ETNK1: variants seen among roughly 807,000 people sequenced by gnomAD.
ETNK1 encodes the protein ethanolamine kinase 1.
In ETNK1, 8 loss-of-function variants were observed where a neutral mutation model predicts 45.1. The ratio of observed to expected loss-of-function variants is 0.18; its 90% CI spans 0.10 to 0.32. ETNK1 has a LOEUF of 0.32. Among genes scored for constraint, ETNK1 ranks in the 10% least tolerant of loss-of-function variants. ETNK1 has a pLI of 1.00. For synonymous variants in ETNK1, 152 were observed against 151.9 expected (o/e 1.00, Z -0.01); for missense variants, 302 against 430.6 (o/e 0.70, Z 2.64).
Position 22,687,324 on chromosome 12 carries a change from A to C in ETNK1, c.*2370A>C, listed in dbSNP as rs149508913. 7.2e-5 allele frequency: 11 copies of C among 152,342 alleles called. No individual in the cohort carries two copies. In the East Asian group the frequency reaches 2.1e-3, roughly 29 times the overall value. 9.4% of individuals were successfully genotyped at this position (152,342 alleles called of 1,614,324 possible). On this transcript the variant is annotated 3_prime_UTR_variant, in exon 8 of 8. Transcript: ENST00000266517. ...GTAAATCTCAAAGTGCTCTGAAATC[A>C]TCCCTCTAAAATCTGTCCTGTGGTG...
intron 1 of ETNK1, among the ~76,000 whole-genome samples, chr12:22,640,049 C>A (rs1205209404): frequency 1.3e-5 from 2 of 152,004 alleles, no homozygotes; most frequent in East Asian, 3.9e-4. Context: ...ATAACTTCAT[C>A]AATATTAAGC....
At position 22,643,984 on chromosome 12, in the gene ETNK1, A is replaced by G; in HGVS notation, c.378A>G (p.Ala126=). The G allele has an allele frequency of 1.2e-6, 2 of 1,610,830 alleles. No homozygotes were observed. The highest frequency in any genetic ancestry group is 1.1e-5 in the South Asian group (1 of 90,824). ...GCTATGAATTTATACAAGGAGAAGC[A>G]CTGGATCCAAAGCATGTCTGCAACC... ...GLCYEFIQGE[A]LDPKHVCNPA... is the part of the protein sequence containing the mutation. Residue 126 remains alanine (A), a synonymous_variant, in exon 2 of 8, where the codon GCA becomes GCG. Coordinates refer to ENST00000266517, the MANE Select transcript of ETNK1 (RefSeq NM_018638.5).
chr12:22,661,732 G>A (rs1001510975), intron 4 of ETNK1, among the ~76,000 whole-genome samples: 2 of 152,140 alleles, frequency 1.3e-5, no homozygotes, highest in Non-Finnish European at 2.9e-5. Context: ...GATATTATTT[G>A]TAGTTGCTCA....
intron 2 of ETNK1, among the ~76,000 whole-genome samples, chr12:22,648,983 T>C (rs1375855103): frequency 3.3e-5 from 5 of 152,242 alleles, no homozygotes; most frequent in African/African-American, 1.2e-4. Flanking sequence ...TGGAATATCT[T>C]TTCATATGCT....
chr12:22,655,020 G>A (rs1484190191), intron 2 of ETNK1, among the ~76,000 whole-genome samples: 1 of 152,176 alleles, frequency 6.6e-6, no homozygotes, highest in Non-Finnish European at 1.5e-5. Context: ...CCACGTTGGA[G>A]TACAATTGGT....
intron 6 of ETNK1, among the ~76,000 whole-genome samples, chr12:22,680,083 GCTCCTCTTTC>G (rs1954200464): frequency 6.6e-6 from 1 of 152,052 alleles, no homozygotes; most frequent in Non-Finnish European, 1.5e-5. Flanking sequence ...TCTTAATCTG[GCTCCTCTTTC>G]CTCCTCTTCT....
intron 2 of ETNK1, among the ~76,000 whole-genome samples, chr12:22,646,125 A>T (rs1050654565): frequency 6.6e-6 from 1 of 151,850 alleles, no homozygotes; most frequent in African/African-American, 2.4e-5. Flanking sequence ...TATGAATAGT[A>T]ACATTTGCTA....
At chr12:22,684,761 A>C in intron 7 of ETNK1, 121 bp from the exon 8 acceptor site, 1 of 854,596 alleles carries the variant, frequency 1.2e-6, no homozygotes, top group Non-Finnish European at 1.8e-6. Flanking sequence ...ATAAACTAAA[A>C]ATATGTCCTT....
chr12:22,634,736 G>A (rs1953632620), intron 1 of ETNK1, among the ~76,000 whole-genome samples: 1 of 151,768 alleles, frequency 6.6e-6, no homozygotes, highest in Admixed American at 6.6e-5. Context: ...TTATTTATTT[G>A]TACAGATGGG....
chr12:22,675,642 G>A (rs937765482), intron 6 of ETNK1, among the ~76,000 whole-genome samples: 1 of 152,128 alleles, frequency 6.6e-6, no homozygotes, highest in Non-Finnish European at 1.5e-5. Context: ...ACAGGCATAA[G>A]CCCTATACCC....
intron 5 of ETNK1, among the ~76,000 whole-genome samples, chr12:22,672,629 G>A (rs978987307): frequency 6.6e-6 from 1 of 152,164 alleles, no homozygotes; most frequent in African/African-American, 2.4e-5. Context: ...TAATGATTTT[G>A]TGGACAAAAA....
At chr12:22,627,035 A>T (rs1448212602) in intron 1 of ETNK1, among the ~76,000 whole-genome samples, 2 of 152,192 alleles carry the variant, frequency 1.3e-5, no homozygotes, top group Non-Finnish European at 2.9e-5. Flanking sequence ...TAGTGTTGGC[A>T]GATCAGTTAC....
Position 22,687,156 on chromosome 12 carries a change from C to A in ETNK1, c.*2202C>A, listed in dbSNP as rs1157239705. The stretch of plus-strand genomic sequence containing the variant: ...TTGGGAACAAAATAAGATATCTAAT[C>A]TATTTTCCCCATTCTGGCTAGATTT... On this transcript the variant is annotated 3_prime_UTR_variant, in exon 8 of 8. Transcript: ENST00000266517. The A allele has an allele frequency of 1.3e-5, 2 of 151,766 alleles. No homozygotes were observed. The highest frequency in any genetic ancestry group is 1.3e-4 in the Admixed American group (2 of 15,234). The allele number at this position is 151,766 out of a possible 1,614,324, so 9.4% of individuals were successfully genotyped here.
At chr12:22,681,644 T>A (rs1954216994) in intron 6 of ETNK1, among the ~76,000 whole-genome samples, 1 of 151,798 alleles carries the variant, frequency 6.6e-6, no homozygotes, top group Non-Finnish European at 1.5e-5. Flanking sequence ...ATATATATAT[T>A]TAAAATAAAC....
chr12:22,647,373 C>G (rs1040615793), intron 2 of ETNK1, among the ~76,000 whole-genome samples: 18 of 151,756 alleles, frequency 1.2e-4, no homozygotes, highest in African/African-American at 4.3e-4. Flanking sequence ...GGGTTGTGTG[C>G]ATGTACAGTT....
intron 2 of ETNK1, among the ~76,000 whole-genome samples, chr12:22,657,351 G>A (rs1206037086): frequency 6.6e-6 from 1 of 152,152 alleles, no homozygotes; most frequent in African/African-American, 2.4e-5. Flanking sequence ...GGCTAATACT[G>A]TTGCTTGAGG....
Position 22,643,727 on chromosome 12 carries a change from G to T in ETNK1, c.157-36G>T, listed in dbSNP as rs1473962227. 4 of 1,548,438 alleles carry T rather than the reference G, an allele frequency of 2.6e-6. No homozygotes were observed. In the South Asian group the frequency reaches 4.8e-5, roughly 19 times the overall value. Reference sequence around the variant, plus strand: ...TCCTGTTCTCTAAAGATAGATAATTGCTTTTTTTCCCATTTTTAAAAAAAA... The same window carrying T: ...TCCTGTTCTCTAAAGATAGATAATTTCTTTTTTTCCCATTTTTAAAAAAAA... On this transcript the variant is annotated intron_variant, in intron 1 of 7. Coordinates refer to ENST00000266517, the MANE Select transcript of ETNK1 (RefSeq NM_018638.5).
chr12:22,637,382 G>C (rs1006843664), intron 1 of ETNK1, among the ~76,000 whole-genome samples: 1 of 152,112 alleles, frequency 6.6e-6, no homozygotes, highest in Admixed American at 6.5e-5. Context: ...ACTTTGCCTT[G>C]GCCAAGAGTG....
chr12:22,654,820 G>C (rs1005874427), intron 2 of ETNK1, among the ~76,000 whole-genome samples: 5 of 152,072 alleles, frequency 3.3e-5, no homozygotes, highest in Non-Finnish European at 5.9e-5. Flanking sequence ...TTATATAAAA[G>C]TAATTCTCAT....
Sources: gnomAD v4.1 joint callset for allele counts (sites outside exome capture counted in the v4.1 genomes callset) on GRCh38, gnomAD v4.1.1 for gene constraint, MANE v1.5 for transcripts, NCBI Gene and HGNC (gene_info 2026-07-23, HGNC 2026-07-21) for gene names.